AUTS2: variants seen among roughly 807,000 people sequenced by gnomAD.
AUTS2 encodes activator of transcription and developmental regulator AUTS2.
AUTS2 carries 17 observed loss-of-function variants against 112.4 expected under a neutral mutation model. The observed-to-expected ratio is 0.15, with a 90% CI of 0.10 to 0.23. The LOEUF (loss-of-function observed/expected upper bound fraction) is 0.23, where lower values mean the gene tolerates loss of function less well. Among genes scored for constraint, AUTS2 ranks in the 10% least tolerant of loss-of-function variants. The probability of loss-of-function intolerance (pLI) is 1.00; values close to 1 mark genes in which losing one functional copy is unlikely to be tolerated. For synonymous variants in AUTS2, 751 were observed against 702.7 expected, an observed-to-expected ratio of 1.07 and a Z score of -1.09; for missense variants, 1,510 against 1,701.6, an observed-to-expected ratio of 0.89 and a Z score of 1.98.
chr7:69,699,891 C>T (rs756827551), intron 1 of AUTS2, among the ~76,000 whole-genome samples: 9 of 152,004 alleles, frequency 5.9e-5, no homozygotes, highest in South Asian at 2.1e-4. Flanking sequence ...GTGATCTGCC[C>T]GCCTCGGCCT....
intron 5 of AUTS2, among the ~76,000 whole-genome samples, chr7:70,595,110 A>G (rs1035145398): frequency 4.0e-5 from 6 of 151,658 alleles, no homozygotes; most frequent in Non-Finnish European, 8.8e-5. Flanking sequence ...AAAAAAAAAA[A>G]AGAATTATTA....
rs930200394 is a variant in AUTS2 at position 70,065,459 on chromosome 7, T to C, written c.523-52673T>C. On this transcript the variant is annotated intron_variant, in intron 2 of 18. Transcript: ENST00000342771. Reference sequence around the variant, plus strand: ...CTGTAATCCCAGCACTTTGGGAGGCTGAGGCAGGTGGATCACCTGAGGTCA... The same window carrying C: ...CTGTAATCCCAGCACTTTGGGAGGCCGAGGCAGGTGGATCACCTGAGGTCA... Among the ~76,000 whole-genome samples the C allele has an allele frequency of 3.9e-5, 6 of 152,218 alleles. 1 individual carries two copies. In the South Asian group the frequency reaches 1.2e-3, roughly 32 times the overall value.
intron 4 of AUTS2, among the ~76,000 whole-genome samples, chr7:70,174,450 TA>T (rs1321870342): frequency 6.6e-6 from 1 of 152,194 alleles, no homozygotes; most frequent in African/African-American, 2.4e-5. Flanking sequence ...AAGATCTAGC[TA>T]AGATCATTGA....
chr7:70,277,711 T>C (rs923134504), intron 4 of AUTS2, among the ~76,000 whole-genome samples: 1 of 152,082 alleles, frequency 6.6e-6, no homozygotes, highest in Non-Finnish European at 1.5e-5. Flanking sequence ...AAAAAAGATA[T>C]TGATAAGGAA....
At chr7:70,536,587 T>TC (rs1378438864) in intron 5 of AUTS2, among the ~76,000 whole-genome samples, 1 of 146,188 alleles carries the variant, frequency 6.8e-6, no homozygotes, top group African/African-American at 2.5e-5. Flanking sequence ...TTTTTTTTTT[T>TC]TTTTTTTTTT....
chr7:69,834,720 C>T (rs968407296), intron 1 of AUTS2, among the ~76,000 whole-genome samples: 1 of 152,172 alleles, frequency 6.6e-6, no homozygotes. Flanking sequence ...TTAGAATGCT[C>T]TGTGATAATG....
rs577141403 is a variant in AUTS2, at chr7:69,900,184, A to G, written c.522+686A>G. Among the ~76,000 whole-genome samples the G allele has an allele frequency of 2.6e-5, 4 of 152,322 alleles. No individual in the cohort carries two copies. In the East Asian group the frequency reaches 7.7e-4, roughly 29 times the overall value. On this transcript the variant is annotated intron_variant, in intron 2 of 18. Transcript: ENST00000342771. Reference sequence around the variant, plus strand: ...CTGTGGAAATCCCCACATGAGATGGATTAATAATGAGATATGAAGCTGTTT... The same window carrying G: ...CTGTGGAAATCCCCACATGAGATGGGTTAATAATGAGATATGAAGCTGTTT...
At chr7:70,409,193 G>A (rs1290290628) in intron 4 of AUTS2, among the ~76,000 whole-genome samples, 1 of 152,176 alleles carries the variant, frequency 6.6e-6, no homozygotes, top group East Asian at 1.9e-4. Context: ...AAGTATGACT[G>A]TCTATCACTC....
chr7:70,171,754 G>A (rs992906337), intron 4 of AUTS2, among the ~76,000 whole-genome samples: 2 of 152,172 alleles, frequency 1.3e-5, no homozygotes, highest in Admixed American at 1.3e-4. Context: ...TCAGCATTCC[G>A]GTAAATGGAG....
intron 3 of AUTS2, among the ~76,000 whole-genome samples, chr7:70,132,338 G>A (rs997594919): frequency 6.6e-6 from 1 of 152,100 alleles, no homozygotes; most frequent in Admixed American, 6.6e-5. Flanking sequence ...GTGTGTGCCC[G>A]TGTCTAGGGG....
chr7:69,650,187 A>G (rs1395547334), intron 1 of AUTS2, among the ~76,000 whole-genome samples: 2 of 152,176 alleles, frequency 1.3e-5, no homozygotes, highest in Non-Finnish European at 2.9e-5. Context: ...TTGTGCTCTG[A>G]TGGCCATTTT....
intron 1 of AUTS2, among the ~76,000 whole-genome samples, chr7:69,710,607 C>T (rs770883811): frequency 6.6e-6 from 1 of 152,196 alleles, no homozygotes; most frequent in South Asian, 2.1e-4. Flanking sequence ...CCGATTATGT[C>T]CTACTTGGTA....
chr7:69,997,516 G>C (rs899848133), intron 2 of AUTS2, among the ~76,000 whole-genome samples: 1 of 152,148 alleles, frequency 6.6e-6, no homozygotes, highest in Non-Finnish European at 1.5e-5. Flanking sequence ...ATAAAGAAAG[G>C]AAGTTTATTT....
chr7:69,675,112 TC>T (rs1796498179), intron 1 of AUTS2, among the ~76,000 whole-genome samples: 1 of 152,186 alleles, frequency 6.6e-6, no homozygotes, highest in Non-Finnish European at 1.5e-5. Flanking sequence ...AGGGAGAAAG[TC>T]CCTGCTTCTC....
At chr7:70,593,905 T>C (rs1181676608) in intron 5 of AUTS2, among the ~76,000 whole-genome samples, 1 of 152,180 alleles carries the variant, frequency 6.6e-6, no homozygotes. Flanking sequence ...AGCAGGAGAC[T>C]TCAGTCCAGG....
chr7:70,305,675 C>G (rs751182080), intron 4 of AUTS2, among the ~76,000 whole-genome samples: 1 of 152,130 alleles, frequency 6.6e-6, no homozygotes, highest in Non-Finnish European at 1.5e-5. Context: ...TTAAAAAAAT[C>G]AAACAAACCA....
At chr7:70,039,280 G>A (rs547884794) in intron 2 of AUTS2, among the ~76,000 whole-genome samples, 4 of 152,188 alleles carry the variant, frequency 2.6e-5, no homozygotes, top group Admixed American at 2.6e-4. Flanking sequence ...AGCAAATACT[G>A]AAACAAATTT....
At chr7:69,814,224 G>C (rs1359676785) in intron 1 of AUTS2, among the ~76,000 whole-genome samples, 3 of 152,200 alleles carry the variant, frequency 2.0e-5, no homozygotes, top group African/African-American at 4.8e-5. Flanking sequence ...CTTGTAAATA[G>C]TATACACATT....
chr7:69,808,233 G>A (rs777468177), intron 1 of AUTS2, among the ~76,000 whole-genome samples: 1 of 152,150 alleles, frequency 6.6e-6, no homozygotes, highest in Non-Finnish European at 1.5e-5. Flanking sequence ...GGCCAAGGCC[G>A]CACTTTTGAA....
Sources: allele counts gnomAD v4.1 joint callset (sites outside exome capture counted in the v4.1 genomes callset), GRCh38; gene constraint gnomAD v4.1.1; transcripts MANE v1.5; gene names NCBI Gene and HGNC (gene_info 2026-07-23, HGNC 2026-07-21).